The following COBL variants were observed in gnomAD, a reference collection of about 807,000 sequenced individuals.
COBL encodes the protein cordon-bleu WH2 repeat protein.
Under a neutral mutation model 98.8 loss-of-function variants are expected in COBL, and 51 were observed. The ratio of observed to expected loss-of-function variants is 0.52; its 90% CI spans 0.41 to 0.65. The LOEUF (loss-of-function observed/expected upper bound fraction) is 0.65, where lower values mean the gene tolerates loss of function less well. Ranked by LOEUF, COBL falls within the 30% of genes least tolerant of loss-of-function variation. The pLI is 0.00. For synonymous variants in COBL, 634 were observed against 651.7 expected (o/e 0.97, Z 0.41); for missense variants, 1,617 against 1,617.5 (o/e 1.00, Z 0.01).
At chr7:51,289,215 T>C (rs1320520173) in intron 1 of COBL, among the ~76,000 whole-genome samples, 1 of 152,246 alleles carries the variant, frequency 6.6e-6, no homozygotes, top group African/African-American at 2.4e-5. Flanking sequence ...GTTATAACAA[T>C]TGGGAACAAG....
At chr7:51,120,804 T>C (rs1353091155) in intron 6 of COBL, among the ~76,000 whole-genome samples, 1 of 152,240 alleles carries the variant, frequency 6.6e-6, no homozygotes, top group Non-Finnish European at 1.5e-5. Context: ...TCCATGATGA[T>C]GCATGTATCA....
intron 4 of COBL, among the ~76,000 whole-genome samples, chr7:51,186,187 A>G (rs1214116386): frequency 6.6e-6 from 1 of 152,244 alleles, no homozygotes; most frequent in Non-Finnish European, 1.5e-5. Context: ...GTATGTTTAT[A>G]ACCAAGGATG....
At chr7:51,172,362 TA>T in intron 5 of COBL, 2 of 761,122 alleles carry the variant, frequency 2.6e-6, no homozygotes, top group Non-Finnish European at 3.7e-6. Context: ...ATCACCAAAC[TA>T]AACCAGTCTG....
At chr7:51,059,629 C>T (rs1280604105) in intron 7 of COBL, among the ~76,000 whole-genome samples, 2 of 110,940 alleles carry the variant, frequency 1.8e-5, no homozygotes, top group Non-Finnish European at 3.3e-5. Flanking sequence ...GTAGATCAAA[C>T]AAGCCTGGTC....
chr7:51,070,421 A>G lies in COBL; in HGVS notation c.1096+14745T>C, dbSNP rs1259104945. ...CACACACACACACACACACACACAC[A>G]CACAAAATTCCGAGAAGCCAGAGGA... On this transcript the variant is annotated intron_variant, in intron 7 of 12. Coordinates refer to ENST00000265136, the MANE Select transcript of COBL (RefSeq NM_015198.5). Among the ~76,000 whole-genome samples the G allele has an allele frequency of 5.9e-5, 9 of 152,150 alleles. 1 individual carries two copies. Among genetic ancestry groups the G allele is most frequent in the Middle Eastern group, 6.8e-3 (2 of 294 alleles).
intron 1 of COBL, among the ~76,000 whole-genome samples, chr7:51,260,829 G>A (rs888671391): frequency 2.0e-5 from 3 of 152,148 alleles, no homozygotes; most frequent in African/African-American, 4.8e-5. Context: ...TCCCAGAGGT[G>A]GCAGAAACCC....
At chr7:51,144,013 G>A (rs111774748) in intron 5 of COBL, among the ~76,000 whole-genome samples, 1 of 152,142 alleles carries the variant, frequency 6.6e-6, no homozygotes, top group Non-Finnish European at 1.5e-5. Context: ...ATCCAAAATA[G>A]AACTATTTTT....
At chr7:51,147,427 C>T (rs1785131575) in intron 5 of COBL, among the ~76,000 whole-genome samples, 1 of 152,172 alleles carries the variant, frequency 6.6e-6, no homozygotes, top group African/African-American at 2.4e-5. Flanking sequence ...GGAGAGTACA[C>T]CGAACAAAGG....
At chr7:51,263,244 GC>G (rs1050452432) in intron 1 of COBL, among the ~76,000 whole-genome samples, 1 of 151,868 alleles carries the variant, frequency 6.6e-6, no homozygotes, top group African/African-American at 2.4e-5. Context: ...ACACCCTCCA[GC>G]CCTAGGCTCC....
At chr7:51,211,835 G>C (rs1335057819) in intron 2 of COBL, among the ~76,000 whole-genome samples, 1 of 152,128 alleles carries the variant, frequency 6.6e-6, no homozygotes, top group African/African-American at 2.4e-5. Flanking sequence ...CATTTTCATT[G>C]ACTACACAGA....
chr7:51,315,014 G>A (rs1247654339), intron 1 of COBL, among the ~76,000 whole-genome samples: 3 of 152,046 alleles, frequency 2.0e-5, no homozygotes, highest in Non-Finnish European at 2.9e-5. Flanking sequence ...AGTTTTGCCG[G>A]CCTTTTAAAT....
At chr7:51,272,797 C>T (rs965114077) in intron 1 of COBL, among the ~76,000 whole-genome samples, 1 of 152,114 alleles carries the variant, frequency 6.6e-6, no homozygotes, top group East Asian at 1.9e-4. Flanking sequence ...TAAATTAAAG[C>T]CCAAGACAAG....
chr7:51,135,693 G>A (rs1265310517), intron 6 of COBL, among the ~76,000 whole-genome samples: 1 of 152,170 alleles, frequency 6.6e-6, no homozygotes, highest in Non-Finnish European at 1.5e-5. Context: ...CTATGCAACT[G>A]GGCTAGGCCA....
At position 51,028,388 on chromosome 7, in the gene COBL, A is replaced by G. The variant is rs1430113663; in HGVS notation, c.2708T>C (p.Leu903Pro). Residue 903 changes from leucine (L) to proline (P), a missense_variant, in exon 10 of 13, where the codon CTG becomes CCG. Physicochemically the swap from Leu to Pro is moderately conservative, Grantham distance 98. This residue lies in a region of COBL where 1,304 missense variants were observed against 1,282.0 expected (regional missense o/e 1.02). Transcript: ENST00000265136. ...EKGYAGKAPV[L>P]AAPPVTVKDD... Reference sequence around the variant, plus strand: ...TTTCACAGTGACAGGTGGTGCAGCCAGCACTGGCGCCTTGCCTGCATAACC... The same window carrying G: ...TTTCACAGTGACAGGTGGTGCAGCCGGCACTGGCGCCTTGCCTGCATAACC... The G allele has an allele frequency of 6.2e-7, 1 of 1,614,270 alleles. No homozygotes were observed. The highest frequency in any genetic ancestry group is 2.2e-5 in the East Asian group (1 of 44,884).
chr7:51,258,588 A>G (rs1315080693), intron 1 of COBL, among the ~76,000 whole-genome samples: 3 of 152,256 alleles, frequency 2.0e-5, no homozygotes, highest in Non-Finnish European at 4.4e-5. Context: ...TTTTGAAGAT[A>G]AAGCAGGAAA....
At chr7:51,287,371 T>C (rs1281354099) in intron 1 of COBL, among the ~76,000 whole-genome samples, 1 of 152,096 alleles carries the variant, frequency 6.6e-6, no homozygotes, top group African/African-American at 2.4e-5. Flanking sequence ...GGATGGTAAA[T>C]AAACACATAA....
chr7:51,137,641 T>C (rs1236669011), intron 5 of COBL, among the ~76,000 whole-genome samples: 1 of 152,116 alleles, frequency 6.6e-6, no homozygotes. Flanking sequence ...ATGTGTTAGC[T>C]ATTATGATTA....
chr7:51,246,877 T>G (rs1796313859), intron 1 of COBL, among the ~76,000 whole-genome samples: 1 of 152,178 alleles, frequency 6.6e-6, no homozygotes, highest in Non-Finnish European at 1.5e-5. Context: ...CATTGAACGA[T>G]TCAAAGAAAA....
At chr7:51,040,079 C>G (rs1412286739) in intron 8 of COBL, among the ~76,000 whole-genome samples, 1 of 151,978 alleles carries the variant, frequency 6.6e-6, no homozygotes, top group African/African-American at 2.4e-5. Context: ...ATGGGAGGCA[C>G]TGCTTTTAAG....
Sources: gnomAD v4.1 joint callset for allele counts (sites outside exome capture counted in the v4.1 genomes callset) on GRCh38, gnomAD v4.1.1 for gene constraint, gnomAD v4.1.1 regional missense constraint, MANE v1.5 for transcripts, NCBI Gene and HGNC (gene_info 2026-07-23, HGNC 2026-07-21) for gene names.